CCSER1: variants seen among roughly 807,000 people sequenced by gnomAD.
CCSER1 encodes the protein coiled-coil serine rich protein 1, also known as serine-rich coiled-coil domain-containing protein 1.
CCSER1 carries 41 observed loss-of-function variants against 82.0 expected under a neutral mutation model. The ratio of observed to expected loss-of-function variants is 0.50; its 90% CI spans 0.39 to 0.65. The LOEUF (loss-of-function observed/expected upper bound fraction) is 0.65. Ranked by LOEUF, CCSER1 falls within the 30% of genes least tolerant of loss-of-function variation. The pLI is 0.00. For synonymous variants in CCSER1, 414 were observed against 383.9 expected, an observed-to-expected ratio of 1.08 and a Z score of -0.92; for missense variants, 1,119 against 1,064.2, an observed-to-expected ratio of 1.05 and a Z score of -0.72.
chr4:90,623,682 G>A (rs1722769975), intron 5 of CCSER1, among the ~76,000 whole-genome samples: 1 of 152,164 alleles, frequency 6.6e-6, no homozygotes, highest in South Asian at 2.1e-4. Flanking sequence ...GGGAAATGCT[G>A]ATTGCATCTC....
chr4:91,388,917 T>A (rs1263079773), intron 10 of CCSER1, among the ~76,000 whole-genome samples: 3 of 152,030 alleles, frequency 2.0e-5, no homozygotes, highest in African/African-American at 7.2e-5. Flanking sequence ...AGGTCTTTGG[T>A]CCACGTTTTA....
chr4:90,921,151 T>G (rs1202781082), intron 8 of CCSER1, among the ~76,000 whole-genome samples: 1 of 151,876 alleles, frequency 6.6e-6, no homozygotes, highest in Non-Finnish European at 1.5e-5. Context: ...ATTTATAAAT[T>G]TCCATCTACC....
intron 3 of CCSER1, among the ~76,000 whole-genome samples, chr4:90,386,648 C>A (rs1750104847): frequency 6.6e-6 from 1 of 152,000 alleles, no homozygotes; most frequent in African/African-American, 2.4e-5. Flanking sequence ...ATAAGTAGGA[C>A]CAAATTAATC....
chr4:90,304,964 C>T (rs1165615056), intron 1 of CCSER1, among the ~76,000 whole-genome samples: 1 of 151,634 alleles, frequency 6.6e-6, no homozygotes, highest in Non-Finnish European at 1.5e-5. Flanking sequence ...TCCACCCAGG[C>T]TGGAGTGCAG....
At chr4:91,175,958 G>A (rs1302886524) in intron 10 of CCSER1, among the ~76,000 whole-genome samples, 1 of 152,198 alleles carries the variant, frequency 6.6e-6, no homozygotes, top group Non-Finnish European at 1.5e-5. Flanking sequence ...TATGGCTTAG[G>A]TCTAACATTT....
intron 3 of CCSER1, among the ~76,000 whole-genome samples, chr4:90,387,429 C>G (rs1340726343): frequency 1.3e-5 from 2 of 152,158 alleles, no homozygotes; most frequent in African/African-American, 4.8e-5. Flanking sequence ...GAAAAGAGGT[C>G]TGTCCTTTGC....
intron 10 of CCSER1, among the ~76,000 whole-genome samples, chr4:91,567,616 C>A (rs1006361210): frequency 2.6e-5 from 4 of 152,178 alleles, no homozygotes; most frequent in African/African-American, 7.2e-5. Context: ...GAATTGAATT[C>A]TTTGCCATTA....
At chr4:90,591,671 A>G (rs2148694030) in intron 5 of CCSER1, among the ~76,000 whole-genome samples, 1 of 152,296 alleles carries the variant, frequency 6.6e-6, no homozygotes. Context: ...TGACTCCGCA[A>G]TCCCATTACT....
chr4:91,163,092 C>T (rs1027940052), intron 10 of CCSER1, among the ~76,000 whole-genome samples: 5 of 152,210 alleles, frequency 3.3e-5, no homozygotes, highest in African/African-American at 1.2e-4. Flanking sequence ...TCCCTTTACA[C>T]ACAGTTTTAA....
intron 9 of CCSER1, among the ~76,000 whole-genome samples, chr4:91,022,491 G>A (rs1352140122): frequency 1.3e-5 from 2 of 152,112 alleles, no homozygotes; most frequent in African/African-American, 4.8e-5. Flanking sequence ...TGTCTTTATA[G>A]CAGCATGATT....
At chr4:90,654,565 T>G (rs1729365724) in intron 6 of CCSER1, among the ~76,000 whole-genome samples, 1 of 152,128 alleles carries the variant, frequency 6.6e-6, no homozygotes. Flanking sequence ...AGCATTGCGA[T>G]TTTTTAAAAA....
intron 3 of CCSER1, among the ~76,000 whole-genome samples, chr4:90,390,064 G>A (rs1750735763): frequency 6.6e-6 from 1 of 152,082 alleles, no homozygotes; most frequent in South Asian, 2.1e-4. Context: ...TGAGAAAAGG[G>A]GATACACTCA....
chr4:90,361,151 T>A (rs1162633723), intron 3 of CCSER1, among the ~76,000 whole-genome samples: 1 of 152,206 alleles, frequency 6.6e-6, no homozygotes, highest in African/African-American at 2.4e-5. Context: ...TTCCCAATGA[T>A]AGGCACTCTT....
At chr4:90,993,129 T>G (rs1443021228) in intron 9 of CCSER1, among the ~76,000 whole-genome samples, 1 of 152,126 alleles carries the variant, frequency 6.6e-6, no homozygotes, top group East Asian at 1.9e-4. Context: ...CCAGCCTCTC[T>G]GTCTATCCTA....
chr4:90,758,056 A>G (rs1408771308), intron 7 of CCSER1, among the ~76,000 whole-genome samples: 1 of 151,074 alleles, frequency 6.6e-6, no homozygotes, highest in East Asian at 2.0e-4. Flanking sequence ...CTCCTGCCTC[A>G]GCCTCCCGAG....
At chr4:90,635,664 A>C (rs1725290743) in intron 6 of CCSER1, among the ~76,000 whole-genome samples, 1 of 151,876 alleles carries the variant, frequency 6.6e-6, no homozygotes, top group Admixed American at 6.6e-5. Flanking sequence ...TGGTTAATGG[A>C]TACAAAAAAA....
chr4:91,309,041 T>C (rs569528729), intron 10 of CCSER1, among the ~76,000 whole-genome samples: 1 of 152,116 alleles, frequency 6.6e-6, no homozygotes, highest in Non-Finnish European at 1.5e-5. Flanking sequence ...GTAGTTGTTC[T>C]CATTTTCATG....
At chr4:90,381,651 A>G (rs895311007) in intron 3 of CCSER1, among the ~76,000 whole-genome samples, 1 of 152,126 alleles carries the variant, frequency 6.6e-6, no homozygotes, top group Non-Finnish European at 1.5e-5. Context: ...AAAGAGGGGG[A>G]AAATGCACTT....
chr4:91,002,576 C>G (rs1738130274), intron 9 of CCSER1, among the ~76,000 whole-genome samples: 1 of 152,102 alleles, frequency 6.6e-6, no homozygotes, highest in African/African-American at 2.4e-5. Flanking sequence ...TCTATAAGTG[C>G]ATCCATTCTT....
Sources: allele counts gnomAD v4.1 joint callset (sites outside exome capture counted in the v4.1 genomes callset), GRCh38; gene constraint gnomAD v4.1.1; transcripts MANE v1.5; gene names NCBI Gene and HGNC (gene_info 2026-07-23, HGNC 2026-07-21).